TUSC3: variants seen among roughly 807,000 people sequenced by gnomAD.
TUSC3 encodes the protein dolichyl-diphosphooligosaccharide--protein glycosyltransferase subunit TUSC3.
Under a neutral mutation model 44.8 loss-of-function variants are expected in TUSC3, and 45 were observed. The observed-to-expected ratio is 1.00, with a 90% confidence interval of 0.79 to 1.29. The LOEUF is 1.29. Among genes scored for constraint, TUSC3 ranks in the 50% most tolerant of loss-of-function variants. The probability of loss-of-function intolerance (pLI) is 0.00; values close to 1 mark genes in which losing one functional copy is unlikely to be tolerated. For missense variants in TUSC3, 519 were observed against 437.9 expected (o/e 1.19, Z -1.65); for synonymous variants, 212 against 152.9 (o/e 1.39, Z -2.85).
chr8:15,620,527 A>G (rs1004156059), intron 1 of TUSC3, among the ~76,000 whole-genome samples: 1 of 152,172 alleles, frequency 6.6e-6, no homozygotes, highest in Non-Finnish European at 1.5e-5. Context: ...TGACGTATAT[A>G]TATTTGCCTA....
In TUSC3 at chr8:15,499,783, A is replaced by T. The variant is rs1800933832; in HGVS notation, n.189+16300A>T. On this transcript the variant is annotated intron_variant and non_coding_transcript_variant, in intron 2 of 5. Transcript: ENST00000503191. Reference sequence around the variant, plus strand: ...ACATCAGTCTTCTCCCTACACCATTAATGTTCTTTTTCCTCCCTGCAGCTT... The same window carrying T: ...ACATCAGTCTTCTCCCTACACCATTTATGTTCTTTTTCCTCCCTGCAGCTT... 2.0e-5 allele frequency among the ~76,000 whole-genome samples: 3 copies of T among 152,138 alleles called. No individual in the cohort carries two copies. The South Asian group carries it at 6.2e-4, about 32-fold the overall frequency.
intron 5 of TUSC3, among the ~76,000 whole-genome samples, chr8:15,663,141 A>T (rs975377016): frequency 6.6e-6 from 1 of 151,834 alleles, no homozygotes; most frequent in Non-Finnish European, 1.5e-5. Flanking sequence ...TCTCTTTCAC[A>T]ATAGGAAGGG....
chr8:15,785,805 C>T, the TUSC3 span, among the ~76,000 whole-genome samples: 19 of 145,948 alleles, frequency 1.3e-4, no homozygotes, highest in African/African-American at 4.6e-4. Flanking sequence ...AATGAGCTAA[C>T]GTGCCAGGAA....
At chr8:15,812,482 C>G in the TUSC3 span, among the ~76,000 whole-genome samples, 2 of 152,154 alleles carry the variant, frequency 1.3e-5, no homozygotes, top group South Asian at 2.1e-4. Context: ...TAGATATACA[C>G]TTGTTACTGC....
At chr8:15,669,586 G>C (rs1807850606) in intron 5 of TUSC3, among the ~76,000 whole-genome samples, 1 of 151,760 alleles carries the variant, frequency 6.6e-6, no homozygotes, top group African/African-American at 2.4e-5. Context: ...AAAATTATCA[G>C]TGTAATTCTC....
At chr8:15,780,658 C>T in the TUSC3 span, among the ~76,000 whole-genome samples, 2 of 152,028 alleles carry the variant, frequency 1.3e-5, no homozygotes. Flanking sequence ...TCCAGCAGCC[C>T]GAGTAGGACC....
rs1008802548 is a variant in TUSC3 at position 15,639,435 on chromosome 8, C to A, written c.309-11262C>A. 2.6e-5 allele frequency among the ~76,000 whole-genome samples: 4 copies of A among 152,248 alleles called. No individual in the cohort carries two copies. The East Asian group carries it at 7.7e-4, about 29-fold the overall frequency. On this transcript the variant is annotated intron_variant, in intron 2 of 10. Transcript: ENST00000503731. ...ACTCATTGAAAAGTTTCTTGATAGA[C>A]AGCTACAGGAGTAAAGATCATACAA...
intron 3 of TUSC3, among the ~76,000 whole-genome samples, chr8:15,654,310 A>G (rs1034354080): frequency 1.2e-4 from 19 of 152,166 alleles, no homozygotes; most frequent in Non-Finnish European, 2.6e-4. Flanking sequence ...GGAGAAGCAC[A>G]GGGAAGAAAG....
At chr8:15,556,000 T>A (rs994959278) in intron 1 of TUSC3, among the ~76,000 whole-genome samples, 2 of 151,242 alleles carry the variant, frequency 1.3e-5, no homozygotes, top group African/African-American at 4.8e-5. Context: ...TTTATTTTTT[T>A]ATTTTTTATT....
chr8:15,630,991 C>T (rs981841558), intron 2 of TUSC3, among the ~76,000 whole-genome samples: 2 of 152,118 alleles, frequency 1.3e-5, no homozygotes, highest in African/African-American at 4.8e-5. Flanking sequence ...GTACTACAAC[C>T]CTTATCATTT....
At chr8:15,736,912 A>G (rs182402228) in intron 7 of TUSC3, among the ~76,000 whole-genome samples, 21 of 152,318 alleles carry the variant, frequency 1.4e-4, no homozygotes, top group Non-Finnish European at 1.5e-5. Flanking sequence ...AGTGTCAACT[A>G]TATAATCTCT....
intron 2 of TUSC3, among the ~76,000 whole-genome samples, chr8:15,499,489 C>T (rs955592377): frequency 2.0e-5 from 3 of 152,146 alleles, no homozygotes; most frequent in East Asian, 3.9e-4. Flanking sequence ...CACTACAGAG[C>T]AGCTTTGCCT....
chr8:15,553,966 C>T (rs574357373), intron 1 of TUSC3, among the ~76,000 whole-genome samples: 2 of 151,610 alleles, frequency 1.3e-5, no homozygotes, highest in African/African-American at 2.4e-5. Context: ...CCATAACCAT[C>T]AGATGGGCAG....
At chr8:15,731,766 A>T (rs1336133862) in intron 7 of TUSC3, among the ~76,000 whole-genome samples, 1 of 152,164 alleles carries the variant, frequency 6.6e-6, no homozygotes, top group African/African-American at 2.4e-5. Context: ...TTTTAACAAC[A>T]TTGAAGTTTT....
In TUSC3 at chr8:15,493,469, C is replaced by T. The variant is rs187116735; in HGVS notation, n.189+9986C>T. 8.5e-5 allele frequency among the ~76,000 whole-genome samples: 13 copies of T among 152,194 alleles called. No individual in the cohort carries two copies. In the East Asian group the frequency reaches 1.5e-3, roughly 18 times the overall value. On this transcript the variant is annotated intron_variant and non_coding_transcript_variant, in intron 2 of 5. Transcript: ENST00000503191. ...GCATAGACAAGATCTTGCTATGTTG[C>T]CCAAGCCGGTCTCGAACTCCTGGCC... is the stretch of plus-strand genomic sequence containing the variant.
At chr8:15,793,307 C>T in the TUSC3 span, among the ~76,000 whole-genome samples, 3 of 152,246 alleles carry the variant, frequency 2.0e-5, no homozygotes, top group East Asian at 1.9e-4. Flanking sequence ...CAAGACTCGA[C>T]ATGATTCAGC....
chr8:15,826,925 C>G, the TUSC3 span, among the ~76,000 whole-genome samples: 2 of 152,160 alleles, frequency 1.3e-5, no homozygotes, highest in Non-Finnish European at 2.9e-5. Flanking sequence ...TAGGGAAGCT[C>G]TCAATCCTTG....
chr8:15,742,601 C>T (rs1285887503), intron 7 of TUSC3, among the ~76,000 whole-genome samples: 1 of 152,158 alleles, frequency 6.6e-6, no homozygotes, highest in Non-Finnish European at 1.5e-5. Flanking sequence ...TTGATAGAGA[C>T]ATCCTGCACA....
At chr8:15,663,415 T>C (rs1338405148) in intron 5 of TUSC3, among the ~76,000 whole-genome samples, 1 of 151,864 alleles carries the variant, frequency 6.6e-6, no homozygotes, top group Non-Finnish European at 1.5e-5. Context: ...TTTCTTGCAG[T>C]AGCCCTTCAT....
Sources: allele counts gnomAD v4.1 joint callset (sites outside exome capture counted in the v4.1 genomes callset), GRCh38; gene constraint gnomAD v4.1.1; transcripts MANE v1.5; gene names NCBI Gene and HGNC (gene_info 2026-07-23, HGNC 2026-07-21).